CNTN4: variants seen among roughly 807,000 people sequenced by gnomAD.
CNTN4 encodes contactin-4.
A neutral mutation model predicts 122.5 loss-of-function variants in CNTN4; 77 were observed. That is an observed-to-expected ratio of 0.63 (90% CI 0.52 to 0.76). The LOEUF (loss-of-function observed/expected upper bound fraction) is 0.76. CNTN4 is among the 30% of genes least tolerant of loss of function. CNTN4 has a pLI of 0.00. For missense variants in CNTN4, 1,256 were observed against 1,259.1 expected, an observed-to-expected ratio of 1.00 and a Z score of 0.04; for synonymous variants, 512 against 447.0, an observed-to-expected ratio of 1.15 and a Z score of -1.83.
At chr3:2,460,709 AAAGGTCTC>A (rs1361276882) in intron 3 of CNTN4, among the ~76,000 whole-genome samples, 6 of 152,192 alleles carry the variant, frequency 3.9e-5, no homozygotes, top group African/African-American at 1.4e-4. Flanking sequence ...GTTTTATCCA[AAAGGTCTC>A]AACGCAAATC....
chr3:2,150,814 C>A (rs529430318), intron 2 of CNTN4, among the ~76,000 whole-genome samples: 80 of 152,254 alleles, frequency 5.3e-4, no homozygotes, highest in Non-Finnish European at 8.5e-4. Flanking sequence ...AACTCATGTT[C>A]CCTCTGTTTA....
intron 14 of CNTN4, among the ~76,000 whole-genome samples, chr3:2,992,986 C>T (rs1438177530): frequency 1.3e-5 from 2 of 151,890 alleles, no homozygotes; most frequent in African/African-American, 2.4e-5. Context: ...AAATAAATAC[C>T]CCAATTGATC....
At chr3:2,805,742 A>G (rs1196565816) in intron 6 of CNTN4, among the ~76,000 whole-genome samples, 1 of 152,088 alleles carries the variant, frequency 6.6e-6, no homozygotes, top group Non-Finnish European at 1.5e-5. Context: ...GAAATTGGCC[A>G]GGTTTTTATC....
At chr3:2,614,144 G>A (rs146101839) in intron 4 of CNTN4, among the ~76,000 whole-genome samples, 46 of 152,260 alleles carry the variant, frequency 3.0e-4, no homozygotes, top group African/African-American at 1.1e-3. Flanking sequence ...AGTCCTCTCT[G>A]AGGAAGCAGA....
intron 3 of CNTN4, among the ~76,000 whole-genome samples, chr3:2,417,465 C>G (rs1333822228): frequency 6.6e-6 from 1 of 152,180 alleles, no homozygotes; most frequent in African/African-American, 2.4e-5. Context: ...ACTTTGGGGT[C>G]ATGAGAAAGG....
chr3:2,288,428 C>T (rs1314225627), intron 2 of CNTN4, among the ~76,000 whole-genome samples: 4 of 152,084 alleles, frequency 2.6e-5, no homozygotes, highest in African/African-American at 9.7e-5. Context: ...AGAGGTAGAA[C>T]TCACTCACTA....
At chr3:2,213,494 GC>G (rs1205639678) in intron 2 of CNTN4, among the ~76,000 whole-genome samples, 1 of 137,872 alleles carries the variant, frequency 7.3e-6, no homozygotes, top group Non-Finnish European at 1.6e-5. Flanking sequence ...GAAATAAAAA[GC>G]TGGAATGTGA....
At chr3:2,661,437 A>T (rs1433021491) in intron 4 of CNTN4, among the ~76,000 whole-genome samples, 1 of 152,142 alleles carries the variant, frequency 6.6e-6, no homozygotes, top group Non-Finnish European at 1.5e-5. Flanking sequence ...TTTCCAAAAC[A>T]TGCTCGATGG....
intron 14 of CNTN4, among the ~76,000 whole-genome samples, chr3:3,006,940 C>G (rs184185563): frequency 3.9e-5 from 6 of 152,286 alleles, no homozygotes; most frequent in Admixed American, 3.3e-4. Flanking sequence ...TTTGCTACCT[C>G]CCCGCGCCAT....
chr3:2,782,976 C>T (rs1553638681), intron 6 of CNTN4, among the ~76,000 whole-genome samples: 1 of 152,134 alleles, frequency 6.6e-6, no homozygotes, highest in Non-Finnish European at 1.5e-5. Flanking sequence ...TGGTCCAGTT[C>T]CCTAACTTTA....
chr3:2,842,562 G>A (rs772892616), intron 7 of CNTN4, among the ~76,000 whole-genome samples: 6 of 152,038 alleles, frequency 3.9e-5, no homozygotes, highest in South Asian at 2.1e-4. Flanking sequence ...CTCCTCTTAC[G>A]GCAAAACTGC....
chr3:3,023,102 G>A (rs1223388094), intron 14 of CNTN4, among the ~76,000 whole-genome samples: 1 of 152,034 alleles, frequency 6.6e-6, no homozygotes, highest in East Asian at 1.9e-4. Flanking sequence ...TCAAATTTTA[G>A]GAAATTAATC....
chr3:2,545,682 G>A (rs1223955736), intron 3 of CNTN4, among the ~76,000 whole-genome samples: 1 of 150,682 alleles, frequency 6.6e-6, no homozygotes, highest in Non-Finnish European at 1.5e-5. Context: ...AATCACGATA[G>A]CAACTTCTCC....
intron 2 of CNTN4, among the ~76,000 whole-genome samples, chr3:2,190,308 T>A (rs1018342785): frequency 2.7e-5 from 4 of 147,622 alleles, no homozygotes; most frequent in Admixed American, 2.7e-4. Flanking sequence ...CTGACTTGTG[T>A]GTGTGTGTGT....
chr3:2,987,662 A>T (rs1466161356), intron 13 of CNTN4, among the ~76,000 whole-genome samples: 1 of 152,156 alleles, frequency 6.6e-6, no homozygotes, highest in Non-Finnish European at 1.5e-5. Flanking sequence ...ATGAAAACAG[A>T]GTTCTTCAAA....
chr3:2,475,141 T>G (rs1015945569), intron 3 of CNTN4, among the ~76,000 whole-genome samples: 1 of 152,234 alleles, frequency 6.6e-6, no homozygotes, highest in Non-Finnish European at 1.5e-5. Flanking sequence ...TTTTAAATTC[T>G]TTGTTAATTT....
At chr3:2,167,035 G>C (rs2036225773) in intron 2 of CNTN4, among the ~76,000 whole-genome samples, 1 of 151,934 alleles carries the variant, frequency 6.6e-6, no homozygotes, top group South Asian at 2.1e-4. Flanking sequence ...AAAATATTAT[G>C]TTGTGTACAT....
intron 4 of CNTN4, among the ~76,000 whole-genome samples, chr3:2,715,551 C>G (rs2087441021): frequency 6.6e-6 from 1 of 152,206 alleles, no homozygotes; most frequent in South Asian, 2.1e-4. Context: ...CTATGCAAAG[C>G]ACATTTCAAG....
intron 2 of CNTN4, among the ~76,000 whole-genome samples, chr3:2,175,381 C>A (rs150197904): frequency 6.6e-6 from 1 of 151,942 alleles, no homozygotes; most frequent in Non-Finnish European, 1.5e-5. Flanking sequence ...TTAGTAATTT[C>A]GCTTTATTTC....
Sources: gnomAD v4.1 joint callset for allele counts (sites outside exome capture counted in the v4.1 genomes callset) on GRCh38, gnomAD v4.1.1 for gene constraint, MANE v1.5 for transcripts, NCBI Gene and HGNC (gene_info 2026-07-23, HGNC 2026-07-21) for gene names.